The following MSRA variants were observed in gnomAD, a reference collection of about 807,000 sequenced individuals.
MSRA encodes mitochondrial peptide methionine sulfoxide reductase.
In MSRA, 54 loss-of-function variants were observed where a neutral mutation model predicts 31.3. That is an observed-to-expected ratio of 1.73 (90% CI 1.39 to 2.17). The LOEUF (loss-of-function observed/expected upper bound fraction) is 2.17, where lower values mean the gene tolerates loss of function less well. Ranked by LOEUF, MSRA falls within the 30% of genes most tolerant of loss-of-function variation. MSRA has a pLI of 0.00. For missense variants in MSRA, 507 were observed against 300.9 expected, an observed-to-expected ratio of 1.69 and a Z score of -5.07; for synonymous variants, 169 against 116.5, an observed-to-expected ratio of 1.45 and a Z score of -2.90.
At chr8:10,309,952 C>T (rs1414866320) in intron 4 of MSRA, among the ~76,000 whole-genome samples, 1 of 152,220 alleles carries the variant, frequency 6.6e-6, no homozygotes, top group Non-Finnish European at 1.5e-5. Context: ...GTGCTGTCTA[C>T]TGGGAAACAT....
rs1338865287 is a variant in MSRA, at chr8:10,243,406, C to A, written c.212-1698C>A. ...CCTCCCCTCATCCCAAGGAATGCAA[C>A]AAAGGAAAATTAATAGTGAATGCTT... On this transcript the variant is annotated intron_variant, in intron 2 of 5. Coordinates refer to ENST00000317173, the MANE Select transcript of MSRA (RefSeq NM_012331.5). Among the ~76,000 whole-genome samples the A allele has an allele frequency of 2.6e-5, 4 of 152,070 alleles. No homozygotes were observed. The East Asian group carries it at 7.7e-4, about 29-fold the overall frequency.
In MSRA at chr8:10,332,451, T is replaced by TCCCCCC. The variant is rs373121180; in HGVS notation, c.543+12463_543+12468dup. On this transcript the variant is annotated intron_variant, in intron 5 of 5. Transcript: ENST00000317173. ...GACTTACCTTAGTCAAAAAGAAAAA[T>TCCCCCC]CCCCCCTCCCCACCGTATGCCTAGC... 2.1e-4 allele frequency among the ~76,000 whole-genome samples: 31 copies of TCCCCCC among 146,496 alleles called. 1 individual carries two copies. Among genetic ancestry groups the TCCCCCC allele is most frequent in the Non-Finnish European group, 3.2e-4 (21 of 65,814 alleles).
intron 3 of MSRA, among the ~76,000 whole-genome samples, chr8:10,271,200 A>G (rs994395525): frequency 6.6e-5 from 10 of 152,298 alleles, no homozygotes; most frequent in African/African-American, 1.9e-4. Flanking sequence ...CACTATATCA[A>G]TGATACACAG....
At chr8:10,109,014 A>G (rs1283327832) in intron 1 of MSRA, among the ~76,000 whole-genome samples, 2 of 152,208 alleles carry the variant, frequency 1.3e-5, no homozygotes, top group Admixed American at 6.5e-5. Flanking sequence ...TACTGAACAG[A>G]TGGAGAAGGG....
intron 1 of MSRA, among the ~76,000 whole-genome samples, chr8:10,085,396 T>C (rs1272274782): frequency 2.0e-5 from 3 of 152,170 alleles, no homozygotes; most frequent in Non-Finnish European, 4.4e-5. Flanking sequence ...AAGTGCCTAT[T>C]GTGTGTATTT....
chr8:10,361,976 C>G (rs1013297961), intron 5 of MSRA, among the ~76,000 whole-genome samples: 1 of 152,124 alleles, frequency 6.6e-6, no homozygotes, highest in South Asian at 2.1e-4. Context: ...GCGAGGCTTC[C>G]TTCCCTCCTC....
intron 5 of MSRA, among the ~76,000 whole-genome samples, chr8:10,368,604 G>A (rs537196759): frequency 1.2e-4 from 18 of 152,200 alleles, no homozygotes; most frequent in Non-Finnish European, 2.2e-4. Flanking sequence ...GTTTAAAACC[G>A]TGCCTAGCCC....
In MSRA at chr8:10,097,542, C is replaced by G. The variant is rs17739570; in HGVS notation, c.142+42884C>G. Among the ~76,000 whole-genome samples, 1,026 of 152,294 alleles carry G rather than the reference C, an allele frequency of 6.7e-3. 11 individuals carry two copies. The highest frequency in any genetic ancestry group is 0.013 in the South Asian group (63 of 4,834). ...GTTTAAATTGAGCTTCATTTTAATA[C>G]TGACCGTCTTATTGCCGATTTATAT... On this transcript the variant is annotated intron_variant, in intron 1 of 5. Coordinates refer to ENST00000317173, the MANE Select transcript of MSRA (RefSeq NM_012331.5).
chr8:10,282,230 G>A (rs1799661119), intron 3 of MSRA, among the ~76,000 whole-genome samples: 2 of 152,146 alleles, frequency 1.3e-5, no homozygotes, highest in Admixed American at 1.3e-4. Context: ...GCCTGACAAA[G>A]GTAGGATCGT....
chr8:10,083,385 G>A (rs1171655155), intron 1 of MSRA, among the ~76,000 whole-genome samples: 2 of 152,150 alleles, frequency 1.3e-5, no homozygotes, highest in East Asian at 3.9e-4. Flanking sequence ...CTGTATTTTA[G>A]AAATCTCTTG....
At chr8:10,411,001 G>A (rs755261167) in intron 5 of MSRA, 3 of 148,872 alleles carry the variant, frequency 2.0e-5, no homozygotes, top group African/African-American at 7.5e-5. Flanking sequence ...CCTCCTTCTC[G>A]TCTTTCCTTC....
At position 10,245,132 on chromosome 8, in the gene MSRA, G is replaced by T. The variant is rs1219022028; in HGVS notation, c.240G>T (p.Arg80Ser). The T allele has an allele frequency of 6.2e-7, 1 of 1,613,256 alleles. No homozygotes were observed. Among genetic ancestry groups the T allele is most frequent in the East Asian group, 2.2e-5 (1 of 44,832 alleles). ...TGGGATGTTTCTGGGGAGCTGAAAGGAAATTCTGGGTCTTGAAAGGAGTGT... is the reference window on the plus strand; with the variant it reads ...TGGGATGTTTCTGGGGAGCTGAAAGTAAATTCTGGGTCTTGAAAGGAGTGT... Reference protein sequence around the residue: ...FGMGCFWGAERKFWVLKGVYS... With the variant: ...FGMGCFWGAESKFWVLKGVYS... Residue 80 changes from arginine to serine, a missense_variant, in exon 3 of 6, where the codon AGG becomes AGT. Coordinates refer to ENST00000317173, the MANE Select transcript of MSRA (RefSeq NM_012331.5).
chr8:10,260,292 C>G (rs972257766), intron 3 of MSRA, among the ~76,000 whole-genome samples: 72 of 152,170 alleles, frequency 4.7e-4, no homozygotes, highest in Admixed American at 1.6e-3. Context: ...TGTTTAATAC[C>G]ACCACGCCTG....
chr8:10,423,076 G>C (rs1378446738), intron 5 of MSRA, among the ~76,000 whole-genome samples: 1 of 152,194 alleles, frequency 6.6e-6, no homozygotes, highest in African/African-American at 2.4e-5. Context: ...AGATTCAGTA[G>C]GTGATGTGGG....
intron 2 of MSRA, among the ~76,000 whole-genome samples, chr8:10,210,758 G>T (rs1186454447): frequency 2.0e-5 from 3 of 150,082 alleles, no homozygotes; most frequent in Non-Finnish European, 3.0e-5. Flanking sequence ...TTTTGAGATG[G>T]TGTCTTACTC....
intron 5 of MSRA, among the ~76,000 whole-genome samples, chr8:10,391,793 C>G (rs995465801): frequency 6.6e-6 from 1 of 152,126 alleles, no homozygotes; most frequent in African/African-American, 2.4e-5. Flanking sequence ...TTCATTTGTC[C>G]CACGTGAAGG....
At chr8:10,299,258 G>A (rs916545013) in intron 3 of MSRA, among the ~76,000 whole-genome samples, 1 of 151,864 alleles carries the variant, frequency 6.6e-6, no homozygotes, top group African/African-American at 2.4e-5. Context: ...TTTTAGTGTG[G>A]TTTCAATGTT....
intron 5 of MSRA, among the ~76,000 whole-genome samples, chr8:10,322,661 G>T (rs1174849284): frequency 1.3e-5 from 2 of 152,176 alleles, no homozygotes; most frequent in African/African-American, 4.8e-5. Flanking sequence ...CTGGGCTAAT[G>T]CTTGTGAAAC....
At chr8:10,119,386 G>C (rs1035729655) in intron 1 of MSRA, among the ~76,000 whole-genome samples, 1 of 152,186 alleles carries the variant, frequency 6.6e-6, no homozygotes, top group African/African-American at 2.4e-5. Flanking sequence ...TTAGCATCTA[G>C]AGGAGGTAAC....
Sources: gnomAD v4.1 joint callset for allele counts (sites outside exome capture counted in the v4.1 genomes callset) on GRCh38, gnomAD v4.1.1 for gene constraint, MANE v1.5 for transcripts, NCBI Gene and HGNC (gene_info 2026-07-23, HGNC 2026-07-21) for gene names.